Variants in PCDH15 observed in about 807,000 individuals in gnomAD.
PCDH15 encodes the protein protocadherin-15.
A neutral mutation model predicts 178.5 loss-of-function variants in PCDH15; 129 were observed. The observed-to-expected ratio is 0.72, with a 90% CI of 0.63 to 0.84. The LOEUF (loss-of-function observed/expected upper bound fraction) is 0.84. Among genes scored for constraint, PCDH15 ranks in the 40% least tolerant of loss-of-function variants. PCDH15 has a pLI of 0.00. For missense variants in PCDH15, 2,230 were observed against 2,099.9 expected, an observed-to-expected ratio of 1.06 and a Z score of -1.21; for synonymous variants, 800 against 732.0, an observed-to-expected ratio of 1.09 and a Z score of -1.50.
At chr10:54,931,435 C>T (rs568671975) in intron 2 of PCDH15, among the ~76,000 whole-genome samples, 1 of 152,296 alleles carries the variant, frequency 6.6e-6, no homozygotes, top group African/African-American at 2.4e-5. Flanking sequence ...TCCTACTCCA[C>T]ACTAGTGGGC....
At chr10:55,011,903 G>T (rs1045808237) in intron 2 of PCDH15, among the ~76,000 whole-genome samples, 1 of 152,030 alleles carries the variant, frequency 6.6e-6, no homozygotes. Context: ...TAGAGACATA[G>T]CACTCAAAAC....
chr10:55,307,613 C>T (rs1173904692), intron 1 of PCDH15, among the ~76,000 whole-genome samples: 1 of 148,214 alleles, frequency 6.7e-6, no homozygotes, highest in African/African-American at 2.6e-5. Flanking sequence ...TTACTTTCTT[C>T]TTCTCTCTCT....
intron 1 of PCDH15, among the ~76,000 whole-genome samples, chr10:54,766,722 G>C (rs1948552307): frequency 2.6e-5 from 4 of 151,992 alleles, no homozygotes; most frequent in Admixed American, 2.0e-4. Flanking sequence ...AAGATCAGGA[G>C]ATAGAGACCA....
intron 3 of PCDH15, among the ~76,000 whole-genome samples, chr10:54,443,291 C>T (rs977213772): frequency 1.1e-4 from 17 of 151,404 alleles, no homozygotes; most frequent in African/African-American, 4.1e-4. Context: ...CTTTTTCTGA[C>T]CTGTTCCTGT....
chr10:55,264,636 C>T (rs1052548287), intron 1 of PCDH15, among the ~76,000 whole-genome samples: 2 of 152,152 alleles, frequency 1.3e-5, no homozygotes, highest in Non-Finnish European at 2.9e-5. Context: ...CTTTCAGAAT[C>T]AGTAACCAGT....
chr10:53,968,626 A>G (rs1407486805), intron 21 of PCDH15, among the ~76,000 whole-genome samples: 1 of 152,144 alleles, frequency 6.6e-6, no homozygotes, highest in Non-Finnish European at 1.5e-5. Context: ...GACACCTCAT[A>G]TAGCCGGACG....
chr10:54,514,667 CAAAA>C (rs5785078), intron 3 of PCDH15, among the ~76,000 whole-genome samples: 8 of 124,386 alleles, frequency 6.4e-5, no homozygotes, highest in African/African-American at 2.4e-4. Flanking sequence ...AAATAGACTT[CAAAA>C]AAAAAAAAAA....
At chr10:54,777,911 C>A (rs58012956) in intron 1 of PCDH15, among the ~76,000 whole-genome samples, 1 of 152,100 alleles carries the variant, frequency 6.6e-6, no homozygotes, top group Non-Finnish European at 1.5e-5. Context: ...TTCTTTACTG[C>A]AATCAATCCT....
At chr10:55,273,606 A>G (rs1403107018) in intron 1 of PCDH15, among the ~76,000 whole-genome samples, 4 of 152,026 alleles carry the variant, frequency 2.6e-5, no homozygotes, top group African/African-American at 4.8e-5. Context: ...CTAAGTAACA[A>G]AACAAATTAT....
At chr10:53,812,556 T>C (rs1480281827) in intron 35 of PCDH15, among the ~76,000 whole-genome samples, 1 of 152,112 alleles carries the variant, frequency 6.6e-6, no homozygotes, top group Non-Finnish European at 1.5e-5. Context: ...TTTGTTAGAA[T>C]AGAGGTCCTT....
At chr10:55,376,352 A>G (rs954836314) in intron 2 of PCDH15, among the ~76,000 whole-genome samples, 2 of 152,106 alleles carry the variant, frequency 1.3e-5, no homozygotes, top group Admixed American at 6.6e-5. Context: ...CTGAGACTTC[A>G]AAAGAATTCT....
intron 25 of PCDH15, among the ~76,000 whole-genome samples, chr10:53,915,445 T>C (rs1239230608): frequency 6.6e-6 from 1 of 152,232 alleles, no homozygotes; most frequent in Admixed American, 6.5e-5. Context: ...AATTAGCCTT[T>C]GCATAATATT....
intron 16 of PCDH15, among the ~76,000 whole-genome samples, chr10:54,089,268 GT>G (rs1252117262): frequency 6.6e-6 from 1 of 152,192 alleles, no homozygotes; most frequent in Non-Finnish European, 1.5e-5. Flanking sequence ...CATTGGCCAA[GT>G]TTACATTTCT....
chr10:55,460,464 T>C (rs1163718767), intron 2 of PCDH15, among the ~76,000 whole-genome samples: 1 of 151,990 alleles, frequency 6.6e-6, no homozygotes, highest in Admixed American at 6.6e-5. Flanking sequence ...AAGTCTACAA[T>C]TAATTAATCT....
chr10:54,719,529 A>G (rs116651859), intron 1 of PCDH15, among the ~76,000 whole-genome samples: 2,597 of 151,758 alleles, frequency 0.017, 75 homozygotes, highest in African/African-American at 0.058. Flanking sequence ...TTTAAATTTT[A>G]CTTTAAGTTC....
intron 2 of PCDH15, among the ~76,000 whole-genome samples, chr10:55,039,829 T>C (rs1840822132): frequency 6.6e-6 from 1 of 152,052 alleles, no homozygotes; most frequent in African/African-American, 2.4e-5. Context: ...TTAGTTAGAA[T>C]GAAGTGACTT....
chr10:55,267,068 C>G (rs899729754), intron 1 of PCDH15, among the ~76,000 whole-genome samples: 1 of 151,174 alleles, frequency 6.6e-6, no homozygotes, highest in East Asian at 2.0e-4. Context: ...GTGAGGAGGA[C>G]AGAGGAACTT....
intron 21 of PCDH15, among the ~76,000 whole-genome samples, chr10:53,969,128 G>C (rs1195395907): frequency 2.0e-5 from 3 of 152,086 alleles, no homozygotes; most frequent in African/African-American, 4.8e-5. Context: ...TAGACAAATG[G>C]CTAACTAGAA....
chr10:55,581,840 G>A (rs1021925541), intron 2 of PCDH15, among the ~76,000 whole-genome samples: 3 of 151,948 alleles, frequency 2.0e-5, no homozygotes, highest in African/African-American at 7.3e-5. Context: ...ACACATGTGG[G>A]CAATTTTTTT....
Sources: allele counts gnomAD v4.1 joint callset (sites outside exome capture counted in the v4.1 genomes callset), GRCh38; gene constraint gnomAD v4.1.1; transcripts MANE v1.5; gene names NCBI Gene and HGNC (gene_info 2026-07-23, HGNC 2026-07-21).